The following WDR64 variants were observed in gnomAD, a reference collection of about 807,000 sequenced individuals.
WDR64 encodes the protein WD repeat domain 64, also known as WD repeat-containing protein 64.
WDR64 carries 112 observed loss-of-function variants against 139.3 expected under a neutral mutation model. That is an observed-to-expected ratio of 0.80 (90% CI 0.69 to 0.94). The LOEUF is 0.94. WDR64 is among the 40% of genes least tolerant of loss of function. The pLI is 0.00. For missense variants in WDR64, 1,206 were observed against 1,293.1 expected (o/e 0.93, Z 1.03); for synonymous variants, 444 against 437.7 (o/e 1.01, Z -0.18).
At chr1:241,691,083 G>A (rs1172132441) in intron 8 of WDR64, among the ~76,000 whole-genome samples, 2 of 152,052 alleles carry the variant, frequency 1.3e-5, no homozygotes, top group African/African-American at 4.8e-5. Context: ...TTACTTGAAA[G>A]TGGACTTGGA....
At chr1:241,657,961 C>G (rs1446275310) in intron 1 of WDR64, among the ~76,000 whole-genome samples, 1 of 152,104 alleles carries the variant, frequency 6.6e-6, no homozygotes, top group Non-Finnish European at 1.5e-5. Flanking sequence ...CACAGGTAAC[C>G]ACTGATGTAA....
chr1:241,760,984 G>T (rs1657852408), intron 15 of WDR64, among the ~76,000 whole-genome samples: 1 of 151,860 alleles, frequency 6.6e-6, no homozygotes, highest in South Asian at 2.1e-4. Flanking sequence ...AGAGGGATTG[G>T]TTGCTGGGTC....
At chr1:241,724,403 A>C (rs1558491954) in intron 10 of WDR64, among the ~76,000 whole-genome samples, 1 of 152,204 alleles carries the variant, frequency 6.6e-6, no homozygotes, top group Admixed American at 6.5e-5. Flanking sequence ...GCAATAGTCA[A>C]TGCAGAAATA....
chr1:241,715,547 C>T (rs960184794), intron 9 of WDR64, among the ~76,000 whole-genome samples: 1 of 152,170 alleles, frequency 6.6e-6, no homozygotes, highest in East Asian at 1.9e-4. Flanking sequence ...ATCCTCCTGT[C>T]GCCGTTGCAT....
At chr1:241,785,806 T>C (rs1424323041) in intron 23 of WDR64, among the ~76,000 whole-genome samples, 1 of 152,120 alleles carries the variant, frequency 6.6e-6, no homozygotes. Context: ...ACAAACATAA[T>C]TGAGGCTGAA....
chr1:241,732,357 G>T (rs1354012602), intron 10 of WDR64, among the ~76,000 whole-genome samples: 6 of 152,140 alleles, frequency 3.9e-5, no homozygotes, highest in Admixed American at 3.9e-4. Flanking sequence ...GCAAGACTTA[G>T]ATCTACTCAA....
chr1:241,747,159 G>A (rs1036733298), intron 13 of WDR64, among the ~76,000 whole-genome samples: 5 of 152,290 alleles, frequency 3.3e-5, no homozygotes, highest in South Asian at 2.1e-4. Context: ...TAGTGACGGC[G>A]GGGGTGGTGG....
chr1:241,761,895 C>G (rs1657920489), intron 15 of WDR64, among the ~76,000 whole-genome samples: 1 of 152,140 alleles, frequency 6.6e-6, no homozygotes, highest in African/African-American at 2.4e-5. Flanking sequence ...TTCTAGTTCT[C>G]TTGCTATTTC....
chr1:241,801,979 C>A lies in WDR64; in HGVS notation c.*764C>A, dbSNP rs372519210. The A allele has an allele frequency of 2.3e-5, 9 of 397,472 alleles. No individual in the cohort carries two copies. Among genetic ancestry groups the A allele is most frequent in the Non-Finnish European group, 4.0e-5 (9 of 225,728 alleles). The allele number at this position is 397,472 out of a possible 1,614,324, so 24.6% of individuals were successfully genotyped here. A position where few individuals can be genotyped will look rare whatever the true frequency, so the allele number is the denominator to read the frequency against. ...GAAACACATCTAACATACAAGGACA[C>A]CAAACTCTTAAAGATAAAAGAATGA... On this transcript the variant is annotated 3_prime_UTR_variant, in exon 28 of 28. Coordinates refer to ENST00000437684, the MANE Select transcript of WDR64 (RefSeq NM_001367482.1).
intron 2 of WDR64, among the ~76,000 whole-genome samples, chr1:241,668,740 C>T (rs538551051): frequency 4.4e-4 from 67 of 152,056 alleles, no homozygotes; most frequent in Non-Finnish European, 7.5e-4. Flanking sequence ...GAAACTCCAT[C>T]TCTACTAAAA....
intron 14 of WDR64, among the ~76,000 whole-genome samples, chr1:241,753,836 T>TA (rs1670071876): frequency 6.6e-6 from 1 of 151,996 alleles, no homozygotes; most frequent in Non-Finnish European, 1.5e-5. Flanking sequence ...AAATAAATCT[T>TA]AAAGGATGTG....
intron 7 of WDR64, among the ~76,000 whole-genome samples, chr1:241,686,440 T>G (rs909043863): frequency 6.6e-6 from 1 of 152,222 alleles, no homozygotes; most frequent in Non-Finnish European, 1.5e-5. Flanking sequence ...AGAACTTTCA[T>G]GCCTTGAGCT....
rs1232217272 is a variant in WDR64, at chr1:241,801,455, A to G, written c.*240A>G. The stretch of plus-strand genomic sequence containing the variant: ...TTTCTTATTTACTGTCAGCAAACTG[A>G]CACATAAGAAAACAAATGAAATCAA... On this transcript the variant is annotated 3_prime_UTR_variant, in exon 28 of 28. Coordinates refer to ENST00000437684, the MANE Select transcript of WDR64 (RefSeq NM_001367482.1). The G allele has an allele frequency of 2.1e-6, 1 of 477,874 alleles. No homozygotes were observed. The highest frequency in any genetic ancestry group is 3.7e-6 in the Non-Finnish European group (1 of 269,376). 29.6% of individuals were successfully genotyped at this position (477,874 alleles called of 1,614,324 possible). A position where few individuals can be genotyped will look rare whatever the true frequency, so the allele number is the denominator to read the frequency against.
In WDR64 at chr1:241,801,940, T is replaced by C. The variant is rs6694925; in HGVS notation, c.*725T>C. 1,525 of 397,994 alleles carry C rather than the reference T, an allele frequency of 3.8e-3. 8 individuals carry two copies. The highest frequency in any genetic ancestry group is 8.9e-3 in the Middle Eastern group (14 of 1,580). 24.7% of individuals were successfully genotyped at this position (397,994 alleles called of 1,614,324 possible). ...GGATTAAAAAAACAAAATCCAACTA[T>C]ATGTTGTTTACAAGAAACACATCTA... On this transcript the variant is annotated 3_prime_UTR_variant, in exon 28 of 28. Transcript: ENST00000437684.
chr1:241,777,120 G>A (rs1200241444), intron 21 of WDR64, among the ~76,000 whole-genome samples: 1 of 152,126 alleles, frequency 6.6e-6, no homozygotes, highest in Non-Finnish European at 1.5e-5. Flanking sequence ...AGAGAGACAA[G>A]GTCTGACTCT....
chr1:241,762,699 C>G (rs367866455), intron 15 of WDR64, among the ~76,000 whole-genome samples: 36 of 151,598 alleles, frequency 2.4e-4, no homozygotes, highest in East Asian at 1.2e-3. Flanking sequence ...CAGTTTTTTT[C>G]TCCCTGACAT....
chr1:241,714,163 G>A (rs2148181289), intron 9 of WDR64, among the ~76,000 whole-genome samples: 2 of 152,318 alleles, frequency 1.3e-5, no homozygotes, highest in Middle Eastern at 3.4e-3. Context: ...GGCCAGGGTG[G>A]CCTTGTAAAA....
At chr1:241,695,252 GTGT>G (rs1667438430) in intron 8 of WDR64, among the ~76,000 whole-genome samples, 3 of 152,110 alleles carry the variant, frequency 2.0e-5, no homozygotes, top group Admixed American at 6.5e-5. Flanking sequence ...ACCATTGTCT[GTGT>G]TCTTGAGGGT....
intron 13 of WDR64, among the ~76,000 whole-genome samples, chr1:241,749,037 C>T (rs980695690): frequency 3.9e-5 from 6 of 152,138 alleles, no homozygotes; most frequent in Non-Finnish European, 8.8e-5. Context: ...ACCAACAAAA[C>T]CACTCCAAGC....
Sources: gnomAD v4.1 joint callset for allele counts (sites outside exome capture counted in the v4.1 genomes callset) on GRCh38, gnomAD v4.1.1 for gene constraint, MANE v1.5 for transcripts, NCBI Gene and HGNC (gene_info 2026-07-23, HGNC 2026-07-21) for gene names.